Variants in CTNNA2 observed in about 807,000 individuals in gnomAD.
CTNNA2 encodes catenin alpha-2.
A neutral mutation model predicts 101.0 loss-of-function variants in CTNNA2; 42 were observed. The observed-to-expected ratio is 0.42, with a 90% CI of 0.32 to 0.54. The LOEUF is 0.54. Among genes scored for constraint, CTNNA2 ranks in the 20% least tolerant of loss-of-function variants. CTNNA2 has a pLI of 0.14. For synonymous variants in CTNNA2, 450 were observed against 456.4 expected (o/e 0.99, Z 0.18); for missense variants, 871 against 1,223.1 (o/e 0.71, Z 4.29).
chr2:79,874,388 A>C (rs1379074262), intron 6 of CTNNA2, 46 bp downstream of exon 6: 1 of 1,561,822 alleles, frequency 6.4e-7, no homozygotes, highest in African/African-American at 1.5e-5. Flanking sequence ...ACTGGTGTTG[A>C]CAAAAAAAAA....
At chr2:80,217,554 G>A (rs765309428) in intron 7 of CTNNA2, among the ~76,000 whole-genome samples, 19 of 152,064 alleles carry the variant, frequency 1.2e-4, no homozygotes, top group African/African-American at 4.6e-4. Context: ...TTCAAGAAAT[G>A]TTACTTCCTT....
intron 7 of CTNNA2, among the ~76,000 whole-genome samples, chr2:79,985,433 C>T (rs558005937): frequency 6.6e-6 from 1 of 152,092 alleles, no homozygotes; most frequent in East Asian, 1.9e-4. Flanking sequence ...TGCAAACTGC[C>T]TCTTCAGTGA....
chr2:79,815,447 A>G lies in CTNNA2; in HGVS notation c.299-42566A>G, dbSNP rs1220746242. Among the ~76,000 whole-genome samples, 7 of 143,204 alleles carry G rather than the reference A, an allele frequency of 4.9e-5. No individual in the cohort carries two copies. The Admixed American group carries it at 5.0e-4, about 10-fold the overall frequency. 93.9% of individuals were successfully genotyped at this position (143,204 alleles called of 152,430 possible). On this transcript the variant is annotated intron_variant, in intron 3 of 18. Coordinates refer to ENST00000402739, the MANE Select transcript of CTNNA2 (RefSeq NM_001282597.3). ...TAATCCATCTTGAGTTGATTTTTGTATAAGGTGAGAAATGAGGATCCAGTT... is the reference window on the plus strand; with the variant it reads ...TAATCCATCTTGAGTTGATTTTTGTGTAAGGTGAGAAATGAGGATCCAGTT...
At chr2:79,296,020 C>T (rs1675971819) in intron 2 of CTNNA2, among the ~76,000 whole-genome samples, 3 of 147,912 alleles carry the variant, frequency 2.0e-5, no homozygotes, top group African/African-American at 7.7e-5. Flanking sequence ...GTATTCTCTT[C>T]TTTTTTCTGC....
At chr2:80,421,072 C>G (rs1680484081) in intron 9 of CTNNA2, among the ~76,000 whole-genome samples, 1 of 151,908 alleles carries the variant, frequency 6.6e-6, no homozygotes. Flanking sequence ...ACCTTGGAAG[C>G]TCTGATCACT....
chr2:80,292,383 A>C (rs981482055), intron 7 of CTNNA2, among the ~76,000 whole-genome samples: 1 of 152,118 alleles, frequency 6.6e-6, no homozygotes, highest in Non-Finnish European at 1.5e-5. Context: ...CCCTTGACAC[A>C]TCCTACCATG....
chr2:80,585,271 A>C (rs753750152), intron 14 of CTNNA2, among the ~76,000 whole-genome samples: 2 of 152,188 alleles, frequency 1.3e-5, no homozygotes, highest in Non-Finnish European at 2.9e-5. Flanking sequence ...TCCTTTTATC[A>C]GTGATTTTCA....
intron 1 of CTNNA2, among the ~76,000 whole-genome samples, chr2:79,528,362 C>T (rs1672545102): frequency 6.6e-6 from 1 of 151,856 alleles, no homozygotes; most frequent in South Asian, 2.1e-4. Context: ...TAGGGGTATG[C>T]CACCATGCTT....
At chr2:80,278,307 T>C (rs982949010) in intron 7 of CTNNA2, among the ~76,000 whole-genome samples, 1 of 152,114 alleles carries the variant, frequency 6.6e-6, no homozygotes, top group African/African-American at 2.4e-5. Flanking sequence ...GATTTTAATA[T>C]CTTAAAATTA....
At chr2:79,951,551 G>A (rs1373956021) in intron 7 of CTNNA2, among the ~76,000 whole-genome samples, 1 of 152,034 alleles carries the variant, frequency 6.6e-6, no homozygotes, top group Non-Finnish European at 1.5e-5. Flanking sequence ...TGTAATCCCA[G>A]CTACATGGGA....
intron 7 of CTNNA2, among the ~76,000 whole-genome samples, chr2:79,957,016 A>C (rs549335421): frequency 6.6e-6 from 1 of 152,220 alleles, no homozygotes; most frequent in East Asian, 1.9e-4. Context: ...CTGATTACTA[A>C]TGTGAATTCC....
intron 9 of CTNNA2, among the ~76,000 whole-genome samples, chr2:80,493,733 C>T (rs1229685457): frequency 6.6e-6 from 1 of 152,170 alleles, no homozygotes; most frequent in Non-Finnish European, 1.5e-5. Flanking sequence ...ATTTTATACA[C>T]ATTTGTGTTC....
chr2:79,515,780 A>G (rs548770581), intron 1 of CTNNA2, among the ~76,000 whole-genome samples: 40 of 152,264 alleles, frequency 2.6e-4, no homozygotes, highest in Non-Finnish European at 4.4e-4. Flanking sequence ...GAAGAATTTC[A>G]TTTCTAGAGG....
At chr2:79,909,090 T>C (rs1483883550) in intron 6 of CTNNA2, among the ~76,000 whole-genome samples, 1 of 152,232 alleles carries the variant, frequency 6.6e-6, no homozygotes, top group Non-Finnish European at 1.5e-5. Flanking sequence ...GTACTGAATA[T>C]GCCTGTTGGG....
intron 7 of CTNNA2, among the ~76,000 whole-genome samples, chr2:80,180,024 A>T (rs1705671251): frequency 6.6e-6 from 1 of 152,176 alleles, no homozygotes; most frequent in Non-Finnish European, 1.5e-5. Flanking sequence ...GAGAACTATA[A>T]TGATGTTTTG....
chr2:80,497,878 T>C (rs1239682270), intron 9 of CTNNA2, among the ~76,000 whole-genome samples: 1 of 152,086 alleles, frequency 6.6e-6, no homozygotes, highest in Non-Finnish European at 1.5e-5. Flanking sequence ...CAACAACCAG[T>C]GAGCTTGGAA....
At chr2:80,004,529 C>T (rs762649491) in intron 7 of CTNNA2, among the ~76,000 whole-genome samples, 1 of 152,052 alleles carries the variant, frequency 6.6e-6, no homozygotes, top group East Asian at 1.9e-4. Flanking sequence ...CAATGCTTTA[C>T]CTGCATTTTC....
chr2:79,827,126 C>T lies in CTNNA2; in HGVS notation c.299-30887C>T, dbSNP rs556113213. Among the ~76,000 whole-genome samples the T allele has an allele frequency of 6.6e-5, 10 of 152,156 alleles. No individual in the cohort carries two copies. In the South Asian group the frequency reaches 2.1e-3, roughly 32 times the overall value. On this transcript the variant is annotated intron_variant, in intron 3 of 18. Transcript: ENST00000402739. ...TGATCTCGGCTCGCTGCAACCTCCG[C>T]CTCCCAGGTTCAAGTGATTCTTATG...
intron 1 of CTNNA2, among the ~76,000 whole-genome samples, chr2:79,539,686 C>A (rs1165823829): frequency 6.6e-6 from 1 of 152,190 alleles, no homozygotes; most frequent in Non-Finnish European, 1.5e-5. Context: ...CCTGTGATCT[C>A]ATTTTTCCCT....
Sources: gnomAD v4.1 joint callset for allele counts (sites outside exome capture counted in the v4.1 genomes callset) on GRCh38, gnomAD v4.1.1 for gene constraint, MANE v1.5 for transcripts, NCBI Gene and HGNC (gene_info 2026-07-23, HGNC 2026-07-21) for gene names.